QRICH1: variants seen among roughly 807,000 people sequenced by gnomAD.
QRICH1 encodes transcriptional regulator QRICH1.
Under a neutral mutation model 87.1 loss-of-function variants are expected in QRICH1, and 16 were observed. The ratio of observed to expected loss-of-function variants is 0.18; its 90% CI spans 0.12 to 0.28. The LOEUF (loss-of-function observed/expected upper bound fraction) is 0.28, where lower values mean the gene tolerates loss of function less well. QRICH1 is among the 10% of genes least tolerant of loss of function. The pLI is 1.00. For missense variants in QRICH1, 647 were observed against 951.7 expected, an observed-to-expected ratio of 0.68 and a Z score of 4.21; for synonymous variants, 367 against 368.4, an observed-to-expected ratio of 1.00 and a Z score of 0.05.
rs567335542 is a variant in QRICH1, at chr3:49,090,318, G to A, written c.-22+3594C>T. Among the ~76,000 whole-genome samples the A allele has an allele frequency of 6.6e-5, 10 of 152,326 alleles. No individual in the cohort carries two copies. The South Asian group carries it at 1.9e-3, about 28-fold the overall frequency. ...ACTAAAACTACAAAAAATTAGCCGGGCATGGTGGCAGGCACCTGCAGTCCC... is the reference window on the plus strand; with the variant it reads ...ACTAAAACTACAAAAAATTAGCCGGACATGGTGGCAGGCACCTGCAGTCCC... On this transcript the variant is annotated intron_variant, in intron 1 of 9. Coordinates refer to ENST00000395443, the MANE Select transcript of QRICH1 (RefSeq NM_198880.3).
Position 49,093,723 on chromosome 3 carries a change from G to A in QRICH1, c.-22+189C>T, listed in dbSNP as rs1471159658. 1.9e-5 allele frequency: 5 copies of A among 264,422 alleles called. No homozygotes were observed. The East Asian group carries it at 2.0e-4, about 10-fold the overall frequency. 16.4% of individuals were successfully genotyped at this position (264,422 alleles called of 1,614,324 possible). A position where few individuals can be genotyped will look rare whatever the true frequency, so the allele number is the denominator to read the frequency against. ...TCGCGCCGCGCCCACCCAAATCCCC[G>A]GGCCACCCCTCCCCCATCCACAGGG... On this transcript the variant is annotated intron_variant, in intron 1 of 9. Coordinates refer to ENST00000395443, the MANE Select transcript of QRICH1 (RefSeq NM_198880.3).
At chr3:49,049,151 G>A (rs1300049089) in intron 3 of QRICH1, among the ~76,000 whole-genome samples, 5 of 151,732 alleles carry the variant, frequency 3.3e-5, no homozygotes, top group African/African-American at 1.2e-4. Flanking sequence ...TGATCTGCCC[G>A]CCTTGGCCTC....
chr3:49,056,739 C>T lies in QRICH1; in HGVS notation c.1338+123G>A, dbSNP rs777161017. The T allele has an allele frequency of 8.1e-6, 12 of 1,475,216 alleles. No homozygotes were observed. In the Admixed American group the frequency reaches 2.2e-4, roughly 27 times the overall value. The allele number at this position is 1,475,216 out of a possible 1,614,324, so 91.4% of individuals were successfully genotyped here. A position where few individuals can be genotyped will look rare whatever the true frequency, so the allele number is the denominator to read the frequency against. ...GTTTCTCCCCCTCTTCTCCCAAATA[C>T]TAAATACTGCATCACTGTAAGAGTA... On this transcript the variant is annotated intron_variant, in intron 3 of 9. Transcript: ENST00000395443.
intron 2 of QRICH1, among the ~76,000 whole-genome samples, chr3:49,070,947 C>G (rs1467983137): frequency 6.6e-6 from 1 of 152,124 alleles, no homozygotes; most frequent in Admixed American, 6.6e-5. Flanking sequence ...CTCTGTCACC[C>G]AGGCTGTGGT....
intron 3 of QRICH1, among the ~76,000 whole-genome samples, chr3:49,056,124 T>C (rs2106900226): frequency 6.6e-6 from 1 of 152,214 alleles, no homozygotes; most frequent in East Asian, 1.9e-4. Flanking sequence ...TACAGGTACC[T>C]GCCACCATGC....
At chr3:49,061,255 G>A (rs894192533) in intron 2 of QRICH1, among the ~76,000 whole-genome samples, 20 of 147,690 alleles carry the variant, frequency 1.4e-4, no homozygotes, top group Non-Finnish European at 2.1e-4. Context: ...TCCACAAAAC[G>A]AGTCCCTGGT....
intron 1 of QRICH1, among the ~76,000 whole-genome samples, chr3:49,093,016 A>G (rs1029962271): frequency 6.6e-6 from 1 of 152,246 alleles, no homozygotes. Flanking sequence ...TGGGCCACAT[A>G]AGCGAATTCC....
intron 2 of QRICH1, among the ~76,000 whole-genome samples, chr3:49,067,878 G>A (rs1417861882): frequency 6.6e-6 from 1 of 151,788 alleles, no homozygotes; most frequent in Non-Finnish European, 1.5e-5. Flanking sequence ...TTGAACCCAG[G>A]AGGCAGAGGT....
intron 2 of QRICH1, among the ~76,000 whole-genome samples, chr3:49,071,267 T>C (rs191210482): frequency 6.6e-6 from 1 of 152,224 alleles, no homozygotes; most frequent in African/African-American, 2.4e-5. Flanking sequence ...AGTTTCACTG[T>C]GTTAGCCAGG....
chr3:49,067,946 G>A (rs373108692), intron 2 of QRICH1, among the ~76,000 whole-genome samples: 13 of 149,598 alleles, frequency 8.7e-5, no homozygotes, highest in Non-Finnish European at 1.3e-4. Flanking sequence ...GCGAGACTCC[G>A]TCTCAAAAAA....
rs754277432 is a variant in QRICH1 at position 49,030,653 on chromosome 3, T to C, written c.2139-9A>G. The C allele has an allele frequency of 6.5e-6, 10 of 1,545,488 alleles. No individual in the cohort carries two copies. Among genetic ancestry groups the C allele is most frequent in the Non-Finnish European group, 8.7e-6 (10 of 1,143,750 alleles). ...CTTTCACACTCTGGGGGCTGAAGAA[T>C]ATGCGGATAAAAGTTGGGTACCACC... On this transcript the variant is annotated splice_polypyrimidine_tract_variant and intron_variant, in intron 9 of 9. Transcript: ENST00000395443.
chr3:49,066,787 T>C (rs898227764), intron 2 of QRICH1, among the ~76,000 whole-genome samples: 2 of 152,190 alleles, frequency 1.3e-5, no homozygotes, highest in Admixed American at 6.6e-5. Flanking sequence ...CCTGTAATCC[T>C]AGCATTTTGG....
At chr3:49,072,088 T>C (rs1575367462) in intron 2 of QRICH1, among the ~76,000 whole-genome samples, 1 of 151,644 alleles carries the variant, frequency 6.6e-6, no homozygotes, top group South Asian at 2.1e-4. Flanking sequence ...CCCAGCACTT[T>C]GGGAGGCCGA....
chr3:49,069,517 G>A (rs1427804222), intron 2 of QRICH1, among the ~76,000 whole-genome samples: 2 of 150,622 alleles, frequency 1.3e-5, no homozygotes, highest in East Asian at 2.0e-4. Context: ...TAAAAGGCTG[G>A]CGAAAATACA....
At chr3:49,039,363 A>G (rs1470433676) in intron 6 of QRICH1, among the ~76,000 whole-genome samples, 1 of 151,820 alleles carries the variant, frequency 6.6e-6, no homozygotes, top group South Asian at 2.1e-4. Flanking sequence ...TCTCAAATAA[A>G]TAAGTAAATA....
Position 49,030,310 on chromosome 3 carries a change from A to G in QRICH1, c.*142T>C, listed in dbSNP as rs2093227080. On this transcript the variant is annotated 3_prime_UTR_variant, in exon 10 of 10. Transcript: ENST00000395443. ...TGCAAAGGGGGCAAAGTTTTCTTTT[A>G]TATTTTAAACAGAAGCAGCCTGAAA... 2.5e-6 allele frequency: 2 copies of G among 793,712 alleles called. No homozygotes were observed. Among genetic ancestry groups the G allele is most frequent in the South Asian group, 1.9e-5 (1 of 51,456 alleles). The allele number at this position is 793,712 out of a possible 1,614,324, so 49.2% of individuals were successfully genotyped here.
intron 6 of QRICH1, among the ~76,000 whole-genome samples, chr3:49,036,717 A>G (rs2093277309): frequency 6.6e-6 from 1 of 152,078 alleles, no homozygotes; most frequent in Admixed American, 6.6e-5. Flanking sequence ...AACAGCCGTT[A>G]ACCCTTCCTC....
At chr3:49,038,801 T>G (rs895617350) in intron 6 of QRICH1, among the ~76,000 whole-genome samples, 5 of 152,012 alleles carry the variant, frequency 3.3e-5, no homozygotes, top group Non-Finnish European at 2.9e-5. Context: ...TTGAGGCAGG[T>G]GGATCACCTG....
At chr3:49,047,855 T>C (rs2093347730) in intron 3 of QRICH1, among the ~76,000 whole-genome samples, 1 of 152,048 alleles carries the variant, frequency 6.6e-6, no homozygotes, top group Admixed American at 6.6e-5. Context: ...AAGGTATCAA[T>C]TGTTTAAAAA....
Sources: gnomAD v4.1 joint callset for allele counts (sites outside exome capture counted in the v4.1 genomes callset) on GRCh38, gnomAD v4.1.1 for gene constraint, MANE v1.5 for transcripts, NCBI Gene and HGNC (gene_info 2026-07-23, HGNC 2026-07-21) for gene names.